UQCRC1: variants seen among roughly 807,000 people sequenced by gnomAD.
UQCRC1 encodes cytochrome b-c1 complex subunit 1, mitochondrial.
In UQCRC1, 34 loss-of-function variants were observed where a neutral mutation model predicts 58.0. That is an observed-to-expected ratio of 0.59 (90% CI 0.45 to 0.78). The LOEUF (loss-of-function observed/expected upper bound fraction) is 0.78. Among genes scored for constraint, UQCRC1 ranks in the 30% least tolerant of loss-of-function variants. UQCRC1 has a pLI of 0.00. For missense variants in UQCRC1, 610 were observed against 646.0 expected (o/e 0.94, Z 0.60); for synonymous variants, 276 against 248.8 (o/e 1.11, Z -1.03).
intron 2 of UQCRC1, among the ~76,000 whole-genome samples, chr3:48,606,404 C>A (rs1310004029): frequency 1.3e-5 from 2 of 152,166 alleles, no homozygotes; most frequent in Admixed American, 6.5e-5. Flanking sequence ...GTTGCCTTGG[C>A]ACCCAATAAG....
At chr3:48,600,947 G>A (rs762631105) in intron 8 of UQCRC1, 28 bp downstream of exon 8, 47 of 1,601,410 alleles carry the variant, frequency 2.9e-5, no homozygotes, top group Middle Eastern at 1.7e-4. Context: ...CCCTGAAGGC[G>A]AGGTCCCATG....
chr3:48,605,321 G>A lies in UQCRC1; in HGVS notation c.297+449C>T, dbSNP rs569563258. 1.7e-3 allele frequency among the ~76,000 whole-genome samples: 259 copies of A among 152,326 alleles called. 1 individual carries two copies. The highest frequency in any genetic ancestry group is 2.9e-3 in the Non-Finnish European group (194 of 68,030). On this transcript the variant is annotated intron_variant, in intron 3 of 12. Coordinates refer to ENST00000203407, the MANE Select transcript of UQCRC1 (RefSeq NM_003365.3). ...CTGTGACATTGCAGCTGGCTAGGTT[G>A]CCTACTATGGCTCCATGGCCCTGCC...
intron 2 of UQCRC1, 146 bp from the exon 3 acceptor site, chr3:48,606,002 G>T: frequency 2.9e-6 from 2 of 696,292 alleles, no homozygotes; most frequent in Non-Finnish European, 2.3e-6. Flanking sequence ...GGACCCCTGT[G>T]CTTGGGGACA....
At chr3:48,599,754 C>T (rs1175016443) in intron 11 of UQCRC1, 44 bp from the exon 12 acceptor site, 1 of 1,589,898 alleles carries the variant, frequency 6.3e-7, no homozygotes, top group Non-Finnish European at 8.6e-7. Flanking sequence ...GGGCACCTGG[C>T]CACCACCTCA....
At chr3:48,609,450 ACCCCGCGTCCTC>A in intron 1 of UQCRC1, 90 bp downstream of exon 1, 1 of 1,519,904 alleles carries the variant, frequency 6.6e-7, no homozygotes, top group Non-Finnish European at 8.8e-7. Context: ...CACGGCCCTG[ACCCCGCGTCCTC>A]CCCACCTCGA....
intron 10 of UQCRC1, 132 bp downstream of exon 10, chr3:48,600,350 G>C: frequency 8.4e-7 from 1 of 1,188,914 alleles, no homozygotes; most frequent in Non-Finnish European, 1.2e-6. Flanking sequence ...ATCTCCAAGG[G>C]TGGGGTGATG....
intron 6 of UQCRC1, among the ~76,000 whole-genome samples, chr3:48,602,286 T>C (rs1248200928): frequency 6.6e-6 from 1 of 151,906 alleles, no homozygotes; most frequent in Admixed American, 6.6e-5. Context: ...CTCCTGATCT[T>C]GTGATCCGCC....
At position 48,609,016 on chromosome 3, in the gene UQCRC1, G is replaced by C. The variant is rs548976100; in HGVS notation, c.210+146C>G. 20 of 1,103,454 alleles carry C rather than the reference G, an allele frequency of 1.8e-5. 1 individual carries two copies. In the African/African-American group the frequency reaches 2.1e-4, roughly 11 times the overall value. 68.4% of individuals were successfully genotyped at this position (1,103,454 alleles called of 1,614,324 possible). A position where few individuals can be genotyped will look rare whatever the true frequency, so the allele number is the denominator to read the frequency against. On this transcript the variant is annotated intron_variant, in intron 2 of 12. Coordinates refer to ENST00000203407, the MANE Select transcript of UQCRC1 (RefSeq NM_003365.3). ...GAAGCCAAGGCGTGGCTAGGGTAGG[G>C]AATGGGGCCATTCTCGGGGTGAGTG...
chr3:48,603,350 G>T (rs140768933), intron 6 of UQCRC1, among the ~76,000 whole-genome samples: 1 of 152,306 alleles, frequency 6.6e-6, no homozygotes, highest in East Asian at 1.9e-4. Context: ...GTACCAGAGG[G>T]ACAGCATCCT....
At chr3:48,601,783 G>A in intron 6 of UQCRC1, among the ~76,000 whole-genome samples, 1 of 152,150 alleles carries the variant, frequency 6.6e-6, no homozygotes, top group Non-Finnish European at 1.5e-5. Flanking sequence ...CTACATCAAG[G>A]ACAAGACTGG....
chr3:48,602,406 A>G (rs1473830092), intron 6 of UQCRC1, among the ~76,000 whole-genome samples: 1 of 151,654 alleles, frequency 6.6e-6, no homozygotes, highest in Non-Finnish European at 1.5e-5. Context: ...AGTCTGACAC[A>G]CACGTCAGAT....
At chr3:48,605,494 A>G (rs547395498) in intron 3 of UQCRC1, among the ~76,000 whole-genome samples, 3 of 152,340 alleles carry the variant, frequency 2.0e-5, no homozygotes, top group East Asian at 1.9e-4. Flanking sequence ...ATGCATGTGC[A>G]TATCTACGTG....
rs1021457714 is a variant in UQCRC1 at position 48,600,215 on chromosome 3, A to T, written c.1214-64T>A. On this transcript the variant is annotated intron_variant, in intron 10 of 12. Transcript: ENST00000203407. ...CAATCCTGGACCCACAGGTACACAA[A>T]CAATCTCCAGCCTCAGGTTGACAAG... The T allele has an allele frequency of 3.2e-6, 5 of 1,563,698 alleles. No homozygotes were observed. The African/African-American group carries it at 4.1e-5, about 13-fold the overall frequency.
intron 12 of UQCRC1, 59 bp from the exon 13 acceptor site, chr3:48,599,251 C>A: frequency 6.6e-7 from 1 of 1,522,256 alleles, no homozygotes; most frequent in Non-Finnish European, 8.9e-7. Context: ...GGACACCTGG[C>A]CCTGTGCCGC....
chr3:48,600,339 C>T (rs1251035136), intron 10 of UQCRC1, 143 bp downstream of exon 10: 2 of 1,125,032 alleles, frequency 1.8e-6, no homozygotes, highest in African/African-American at 1.5e-5. Context: ...CACCTGCCTG[C>T]ATCTCCAAGG....
rs1447252206 is a variant in UQCRC1 at position 48,600,989 on chromosome 3, A to G, written c.952T>C (p.Tyr318His). 1.9e-6 allele frequency: 3 copies of G among 1,605,054 alleles called. No homozygotes were observed. The highest frequency in any genetic ancestry group is 1.1e-5 in the South Asian group (1 of 90,732). Residue 318 changes from tyrosine (Y) to histidine (H), a missense_variant, in exon 8 of 13, where the codon TAT (tyrosine) becomes CAT (histidine). Physicochemically the swap from Tyr to His is moderately conservative, Grantham distance 83. Coordinates refer to ENST00000203407, the MANE Select transcript of UQCRC1 (RefSeq NM_003365.3). ...CTGGCACTCACCACGCCACCACCAT[A>G]AGTGCAGTCATAGTGGCCGATGATG... ...NAIIGHYDCT[Y>H]GGGVHLSSPL... is the part of the protein sequence containing the mutation.
In UQCRC1 at chr3:48,606,283, A is replaced by G. The variant is rs1052380585; in HGVS notation, c.211-427T>C. Among the ~76,000 whole-genome samples the G allele has an allele frequency of 7.2e-5, 11 of 152,354 alleles. No individual in the cohort carries two copies. The South Asian group carries it at 2.3e-3, about 32-fold the overall frequency. On this transcript the variant is annotated intron_variant, in intron 2 of 12. Transcript: ENST00000203407. ...GTTCTGGCAATGATTTTATCCTTTC[A>G]TCATTAAGGAAGGGACTATTGGTTT...
At chr3:48,599,376 G>T in intron 12 of UQCRC1, 184 bp from the exon 13 acceptor site, 1 of 755,800 alleles carries the variant, frequency 1.3e-6, no homozygotes, top group Non-Finnish European at 2.1e-6. Flanking sequence ...GGCCCTTGAA[G>T]CCCCACCCCA....
At position 48,605,785 on chromosome 3, in the gene UQCRC1, C is replaced by A; in HGVS notation, c.282G>T (p.Glu94Asp). ...EKNNGAGYFLEHLAFKGTKNR... is the reference protein window; with the variant it reads ...EKNNGAGYFLDHLAFKGTKNR... ...AGAGCCTCACCTTGAAAGCCAGATG[C>A]TCCAAAAAGTAGCCTGCCCCATTAT... Residue 94 changes from glutamate to aspartate, a missense_variant, in exon 3 of 13, where the codon GAG (glutamate) becomes GAT (aspartate). By Grantham distance (45) the Glu-to-Asp change is conservative (BLOSUM62 2). Coordinates refer to ENST00000203407, the MANE Select transcript of UQCRC1 (RefSeq NM_003365.3). 2 of 1,613,624 alleles carry A rather than the reference C, an allele frequency of 1.2e-6. No individual in the cohort carries two copies. Among genetic ancestry groups the A allele is most frequent in the Non-Finnish European group, 1.7e-6 (2 of 1,179,814 alleles).
Sources: allele counts gnomAD v4.1 joint callset (sites outside exome capture counted in the v4.1 genomes callset), GRCh38; gene constraint gnomAD v4.1.1; transcripts MANE v1.5; gene names NCBI Gene and HGNC (gene_info 2026-07-23, HGNC 2026-07-21).